Variants in DCHS2 observed in about 807,000 individuals in gnomAD.
The protein encoded by DCHS2 is protocadherin-23.
DCHS2 carries 142 observed loss-of-function variants against 182.4 expected under a neutral mutation model. That is an observed-to-expected ratio of 0.78 (90% confidence interval 0.68 to 0.89). The LOEUF is 0.89. Among genes scored for constraint, DCHS2 ranks in the 40% least tolerant of loss-of-function variants. DCHS2 has a pLI of 0.00. For missense variants in DCHS2, 4,319 were observed against 4,198.6 expected (o/e 1.03, Z -0.79); for synonymous variants, 1,740 against 1,663.3 (o/e 1.05, Z -1.12).
intron 1 of DCHS2, among the ~76,000 whole-genome samples, chr4:154,437,852 CA>C (rs1733844047): frequency 6.6e-6 from 1 of 152,068 alleles, no homozygotes; most frequent in Non-Finnish European, 1.5e-5. Flanking sequence ...AACAGTTATA[CA>C]GTAGAGATTT....
At chr4:154,384,389 T>C in intron 1 of DCHS2, 2 of 1,613,550 alleles carry the variant, frequency 1.2e-6, no homozygotes, top group East Asian at 2.2e-5. Flanking sequence ...TCACTGGTTT[T>C]GCGTTCTCTT....
At chr4:154,386,288 G>A (rs1431667389) in intron 1 of DCHS2, among the ~76,000 whole-genome samples, 1 of 152,022 alleles carries the variant, frequency 6.6e-6, no homozygotes, top group African/African-American at 2.4e-5. Context: ...CTCCCCTCTG[G>A]ACACAGTGGT....
At chr4:154,254,055 A>G (rs1732525390) in intron 16 of DCHS2, among the ~76,000 whole-genome samples, 1 of 152,204 alleles carries the variant, frequency 6.6e-6, no homozygotes, top group Admixed American at 6.5e-5. Flanking sequence ...GACCCTGAGC[A>G]AGCCACTGTA....
At chr4:154,365,613 G>A (rs943580482) in intron 3 of DCHS2, among the ~76,000 whole-genome samples, 5 of 151,534 alleles carry the variant, frequency 3.3e-5, no homozygotes, top group Admixed American at 6.6e-5. Context: ...CAAGTAGCTG[G>A]GATTACAGGA....
chr4:154,343,485 G>C, intron 3 of DCHS2: 1 of 1,453,368 alleles, frequency 6.9e-7, no homozygotes, highest in Non-Finnish European at 9.1e-7. Flanking sequence ...AAGAATCTTA[G>C]CTAGATTTGC....
chr4:154,480,123 A>G (rs951564200), intron 1 of DCHS2, among the ~76,000 whole-genome samples: 1 of 152,218 alleles, frequency 6.6e-6, no homozygotes, highest in African/African-American at 2.4e-5. Flanking sequence ...AGGACCAGAC[A>G]AGTCAATCTC....
At chr4:154,322,624 A>G in intron 7 of DCHS2, 136 bp from the exon 8 acceptor site, 1 of 1,164,160 alleles carries the variant, frequency 8.6e-7, no homozygotes, top group African/African-American at 1.5e-5. Context: ...CAAAAATGAC[A>G]CTAAAAATAG....
rs73854787 is a variant in DCHS2 at position 154,461,887 on chromosome 4, C to T, written c.2052+27417G>A. Among the ~76,000 whole-genome samples, 974 of 152,248 alleles carry T rather than the reference C, an allele frequency of 6.4e-3. 21 individuals are homozygous for T. The South Asian group carries it at 0.069, about 11-fold the overall frequency. On this transcript the variant is annotated intron_variant, in intron 1 of 19. Transcript: ENST00000357232. ...GACATTTGCAAGAGGAAGACTTTCC[C>T]ATACTTATTCACTTTCCAAGGCTTC...
At chr4:154,307,534 C>T (rs1735494891) in intron 10 of DCHS2, among the ~76,000 whole-genome samples, 1 of 152,092 alleles carries the variant, frequency 6.6e-6, no homozygotes, top group Non-Finnish European at 1.5e-5. Flanking sequence ...TCTAGGATAC[C>T]TCTCCTCAAT....
intron 3 of DCHS2, among the ~76,000 whole-genome samples, chr4:154,362,674 C>G (rs907600076): frequency 6.6e-6 from 1 of 152,138 alleles, no homozygotes; most frequent in African/African-American, 2.4e-5. Flanking sequence ...ATGCCTGCCT[C>G]TCCTGCCTGC....
chr4:154,319,666 A>G (rs1478683652), intron 9 of DCHS2, among the ~76,000 whole-genome samples: 1 of 144,176 alleles, frequency 6.9e-6, no homozygotes, highest in East Asian at 1.9e-4. Flanking sequence ...TAAAAAAAAA[A>G]AAAAAAAAAA....
intron 16 of DCHS2, among the ~76,000 whole-genome samples, chr4:154,251,191 C>T (rs764136879): frequency 6.6e-6 from 1 of 152,216 alleles, no homozygotes; most frequent in Non-Finnish European, 1.5e-5. Flanking sequence ...GGAGAATACA[C>T]TGAGTTTAGC....
At chr4:154,416,980 C>T (rs1037782054) in intron 1 of DCHS2, among the ~76,000 whole-genome samples, 1 of 152,164 alleles carries the variant, frequency 6.6e-6, no homozygotes, top group African/African-American at 2.4e-5. Context: ...CTCCCGTCCT[C>T]CCATTACCCT....
chr4:154,439,252 G>T (rs931704046), intron 1 of DCHS2, among the ~76,000 whole-genome samples: 2 of 152,148 alleles, frequency 1.3e-5, no homozygotes, highest in African/African-American at 4.8e-5. Context: ...TTGTAGGTGA[G>T]ATTTATAAAG....
chr4:154,336,567 T>C (rs1009073243), intron 3 of DCHS2, among the ~76,000 whole-genome samples: 2 of 152,164 alleles, frequency 1.3e-5, no homozygotes, highest in Non-Finnish European at 2.9e-5. Context: ...CATTAAAAGG[T>C]GACATCCATT....
intron 18 of DCHS2, 76 bp downstream of exon 18, chr4:154,240,461 G>A (rs1370964506): frequency 4.0e-6 from 6 of 1,513,670 alleles, no homozygotes; most frequent in Admixed American, 3.9e-5. Context: ...TTAGTCTATC[G>A]GCGATGGAAG....
intron 1 of DCHS2, among the ~76,000 whole-genome samples, chr4:154,438,395 G>C (rs1733868030): frequency 6.6e-6 from 1 of 152,170 alleles, no homozygotes; most frequent in African/African-American, 2.4e-5. Flanking sequence ...GTCTAATCAT[G>C]AGCCAACAGT....
chr4:154,416,803 GTCTGC>G (rs1732851093), intron 1 of DCHS2, among the ~76,000 whole-genome samples: 1 of 152,198 alleles, frequency 6.6e-6, no homozygotes, highest in Admixed American at 6.5e-5. Context: ...GCAGGAAAGT[GTCTGC>G]TCCAGCTCCT....
chr4:154,411,266 A>G (rs1382788143), intron 1 of DCHS2, among the ~76,000 whole-genome samples: 1 of 152,100 alleles, frequency 6.6e-6, no homozygotes, highest in African/African-American at 2.4e-5. Flanking sequence ...AAATAAGGAG[A>G]TGTAGGTCAA....
Sources: gnomAD v4.1 joint callset for allele counts (sites outside exome capture counted in the v4.1 genomes callset) on GRCh38, gnomAD v4.1.1 for gene constraint, MANE v1.5 for transcripts, NCBI Gene and HGNC (gene_info 2026-07-23, HGNC 2026-07-21) for gene names.